ZNF532: variants seen among roughly 807,000 people sequenced by gnomAD.
ZNF532 encodes the protein zinc finger protein 532.
Under a neutral mutation model 89.3 loss-of-function variants are expected in ZNF532, and 22 were observed. The observed-to-expected ratio is 0.25, with a 90% CI of 0.18 to 0.35. The LOEUF is 0.35. ZNF532 is among the 10% of genes least tolerant of loss of function. The pLI is 1.00. For synonymous variants in ZNF532, 606 were observed against 649.6 expected, an observed-to-expected ratio of 0.93 and a Z score of 1.02; for missense variants, 1,132 against 1,643.4, an observed-to-expected ratio of 0.69 and a Z score of 5.38.
chr18:58,934,751 GT>G, intron 4 of ZNF532, 137 bp downstream of exon 4: 1 of 812,996 alleles, frequency 1.2e-6, no homozygotes, highest in South Asian at 1.8e-5. Flanking sequence ...AACCTAGCTC[GT>G]TTGTAGAGTC....
At chr18:58,951,471 A>G (rs1005847044) in intron 6 of ZNF532, among the ~76,000 whole-genome samples, 1 of 152,146 alleles carries the variant, frequency 6.6e-6, no homozygotes, top group Non-Finnish European at 1.5e-5. Context: ...ATAGTTAAAA[A>G]TGGAAAAACT....
In ZNF532 at chr18:58,897,559, T is replaced by C. The variant is rs148221286; in HGVS notation, c.-17-20712T>C. 2.6e-3 allele frequency among the ~76,000 whole-genome samples: 397 copies of C among 152,336 alleles called. 4 individuals carry two copies. The highest frequency in any genetic ancestry group is 9.2e-3 in the African/African-American group (381 of 41,574). ...CCTTAGGATTAGTTATCATGACAGA[T>C]TGGCATTAGGAAAAATGATGAGTAT... is the stretch of plus-strand genomic sequence containing the variant. On this transcript the variant is annotated intron_variant, in intron 2 of 9. Transcript: ENST00000591808.
At chr18:58,890,553 C>T (rs74405118) in intron 2 of ZNF532, among the ~76,000 whole-genome samples, 13,113 of 151,022 alleles carry the variant, frequency 0.087, 1,060 homozygotes, top group East Asian at 0.4. Flanking sequence ...TGCTCTGTTA[C>T]AGGAATTCTT....
At chr18:58,938,085 C>T (rs554383925) in intron 4 of ZNF532, among the ~76,000 whole-genome samples, 21 of 152,192 alleles carry the variant, frequency 1.4e-4, no homozygotes, top group Non-Finnish European at 2.6e-4. Flanking sequence ...TGTGTAACTT[C>T]GGAAGCATCT....
At chr18:58,888,856 T>A (rs28422997) in intron 2 of ZNF532, among the ~76,000 whole-genome samples, 1,757 of 44,208 alleles carry the variant, frequency 0.04, 146 homozygotes, top group South Asian at 0.05. Context: ...TATATATAAT[T>A]TATATATATA....
chr18:58,919,284 G>C lies in ZNF532; in HGVS notation c.997G>C (p.Asp333His). The change falls in exon 3 of 10, where the codon GAT (aspartate) becomes CAT (histidine). Residue 333 changes from aspartate to histidine, a missense_variant. Physicochemically the swap from Asp to His is moderately conservative, Grantham distance 81. Transcript: ENST00000591808. The surrounding 1 kb of genome is among the most constrained non-coding windows in gnomAD (Gnocchi z 6.1). ...GTKKPSLKQPDSPRSISSENS... is the reference protein window; with the variant it reads ...GTKKPSLKQPHSPRSISSENS... The stretch of plus-strand genomic sequence containing the variant: ...CAAAAAACCATCCCTGAAGCAACCG[G>C]ATAGTCCCAGAAGCATCTCAAGTGA... 1 of 1,614,104 alleles carries C rather than the reference G, an allele frequency of 6.2e-7. No individual in the cohort carries two copies. Among genetic ancestry groups the C allele is most frequent in the Non-Finnish European group, 8.5e-7 (1 of 1,179,990 alleles).
At chr18:58,936,024 A>T (rs898562728) in intron 4 of ZNF532, among the ~76,000 whole-genome samples, 4 of 152,218 alleles carry the variant, frequency 2.6e-5, no homozygotes, top group Non-Finnish European at 5.9e-5. Context: ...CATGCCTCCA[A>T]ACTTGTAATG....
At chr18:58,966,743 T>TTTTTTTTTTTTTTTTTTTTTTTTG in intron 7 of ZNF532, among the ~76,000 whole-genome samples, 1 of 100,242 alleles carries the variant, frequency 1.0e-5, no homozygotes, top group Non-Finnish European at 1.8e-5. Flanking sequence ...TTTGTGTTTT[T>TTTTTTTTTTTTTTTTTTTTTTTTG]TTTTTTTTTT....
intron 7 of ZNF532, among the ~76,000 whole-genome samples, chr18:58,956,603 G>A (rs569713145): frequency 3.3e-5 from 5 of 152,096 alleles, no homozygotes; most frequent in South Asian, 2.1e-4. Flanking sequence ...TCTTTTCTCC[G>A]TCTTCCTTCA....
At chr18:58,885,214 C>T (rs1038819240) in intron 2 of ZNF532, among the ~76,000 whole-genome samples, 2 of 152,106 alleles carry the variant, frequency 1.3e-5, no homozygotes, top group Non-Finnish European at 2.9e-5. Flanking sequence ...GTCTCGAACT[C>T]CCGACCTCAG....
rs767784985 is a variant in ZNF532 at position 58,919,814 on chromosome 18, A to G, written c.1527A>G (p.Ala509=). 2 of 1,614,038 alleles carry G rather than the reference A, an allele frequency of 1.2e-6. No individual in the cohort carries two copies. Among genetic ancestry groups the G allele is most frequent in the Admixed American group, 1.7e-5 (1 of 60,022 alleles). Residue 509 remains alanine, a synonymous_variant, in exon 3 of 10, where the codon GCA becomes GCG. Coordinates refer to ENST00000591808, the MANE Select transcript of ZNF532 (RefSeq NM_001375912.1). The surrounding 1 kb of genome is among the most constrained non-coding windows in gnomAD (Gnocchi z 6.1). ...AGCAGCAAACTGTCGTGGTGCCGGC[A>G]TCCAGCCTGGCCAATGCCAAACTCG... ...AIQQQTVVVP[A]SSLANAKLVP...
Position 58,918,260 on chromosome 18 carries a change from T to G in ZNF532, c.-17-11T>G. ...AATTACTGATGGAACTATTTTCTGC[T>G]CATTTAACAGAACATCTGCTCAAAT... is the stretch of plus-strand genomic sequence containing the variant. On this transcript the variant is annotated splice_polypyrimidine_tract_variant and intron_variant, in intron 2 of 9. Transcript: ENST00000591808. 1 of 1,597,146 alleles carries G rather than the reference T, an allele frequency of 6.3e-7. No homozygotes were observed. Among genetic ancestry groups the G allele is most frequent in the Non-Finnish European group, 8.5e-7 (1 of 1,170,468 alleles).
chr18:58,974,937 G>A (rs558685960), intron 7 of ZNF532, among the ~76,000 whole-genome samples: 15 of 152,330 alleles, frequency 9.8e-5, no homozygotes, highest in African/African-American at 3.4e-4. Flanking sequence ...AGTCTTGAGT[G>A]TTGTCTCCGT....
At position 58,880,763 on chromosome 18, in the gene ZNF532, C is replaced by CGTGTGT. The variant is rs1555704697; in HGVS notation, c.-18+15185_-18+15186insTGTGTG. On this transcript the variant is annotated intron_variant, in intron 2 of 9. Transcript: ENST00000591808. Reference sequence around the variant, plus strand: ...GAGCCCTCTCATAGGCGCGCGCGCACGCGCGCGCGTCTGTGTGTGTGTGTG... The same window carrying CGTGTGT: ...GAGCCCTCTCATAGGCGCGCGCGCACGTGTGTGCGCGCGCGTCTGTGTGTGTGTGTG... Among the ~76,000 whole-genome samples, 11 of 119,690 alleles carry CGTGTGT rather than the reference C, an allele frequency of 9.2e-5. No individual in the cohort carries two copies. The South Asian group carries it at 2.1e-3, about 22-fold the overall frequency. The allele number at this position is 119,690 out of a possible 152,430, so 78.5% of individuals were successfully genotyped here. A position where few individuals can be genotyped will look rare whatever the true frequency, so the allele number is the denominator to read the frequency against.
At chr18:58,953,308 G>A in intron 6 of ZNF532, 3 of 472,046 alleles carry the variant, frequency 6.4e-6, no homozygotes, top group South Asian at 7.6e-5. Flanking sequence ...CCTTTAAAAA[G>A]CATTTGGAAA....
chr18:58,947,460 C>T lies in ZNF532; in HGVS notation c.2706-607C>T, dbSNP rs184054693. Among the ~76,000 whole-genome samples, 486 of 152,230 alleles carry T rather than the reference C, an allele frequency of 3.2e-3. 3 individuals are homozygous for T. Among genetic ancestry groups the T allele is most frequent in the African/African-American group, 0.011 (456 of 41,532 alleles). On this transcript the variant is annotated intron_variant, in intron 5 of 9. Coordinates refer to ENST00000591808, the MANE Select transcript of ZNF532 (RefSeq NM_001375912.1). ...AGTGAATATTTTAAGTCATTTAAAG[C>T]GTAAGAAACATTCAAGCATTGTTGA...
chr18:58,885,846 CAAA>C (rs79673674), intron 2 of ZNF532, among the ~76,000 whole-genome samples: 5 of 135,210 alleles, frequency 3.7e-5, no homozygotes, highest in African/African-American at 8.4e-5. Flanking sequence ...GACAATGTCT[CAAA>C]AAAAAAAAAA....
intron 2 of ZNF532, among the ~76,000 whole-genome samples, chr18:58,897,963 A>G (rs117821929): frequency 0.017 from 2,548 of 152,360 alleles, 31 homozygotes; most frequent in Non-Finnish European, 0.026. Context: ...TCAAAAATAA[A>G]TAAGTAAGTA....
intron 2 of ZNF532, among the ~76,000 whole-genome samples, chr18:58,880,760 GCACGCGCGCGCGTC>G (rs1300718449): frequency 2.1e-5 from 3 of 141,588 alleles, no homozygotes. Context: ...AGGCGCGCGC[GCACGCGCGCGCGTC>G]TGTGTGTGTG....
Sources: gnomAD v4.1 joint callset for allele counts (sites outside exome capture counted in the v4.1 genomes callset) on GRCh38, gnomAD v4.1.1 for gene constraint, Gnocchi (gnomAD v3.1) non-coding constraint, MANE v1.5 for transcripts, NCBI Gene and HGNC (gene_info 2026-07-23, HGNC 2026-07-21) for gene names.